TTC3: variants seen among roughly 807,000 people sequenced by gnomAD.
TTC3 encodes the protein tetratricopeptide repeat domain 3, also known as E3 ubiquitin-protein ligase TTC3.
In TTC3, 180 loss-of-function variants were observed where a neutral mutation model predicts 249.6. That is an observed-to-expected ratio of 0.72 (90% CI 0.64 to 0.82). The LOEUF (loss-of-function observed/expected upper bound fraction) is 0.82, where lower values mean the gene tolerates loss of function less well. Among genes scored for constraint, TTC3 ranks in the 40% least tolerant of loss-of-function variants. TTC3 has a pLI of 0.00. For missense variants in TTC3, 2,061 were observed against 2,398.4 expected (o/e 0.86, Z 2.94); for synonymous variants, 717 against 805.0 (o/e 0.89, Z 1.85).
intron 4 of TTC3, 87 bp from the exon 5 acceptor site, chr21:37,088,712 T>C: frequency 1.7e-6 from 2 of 1,195,994 alleles, no homozygotes; most frequent in Non-Finnish European, 2.3e-6. Context: ...TATTTTTTAA[T>C]GGTTTGAGAT....
intron 20 of TTC3, among the ~76,000 whole-genome samples, chr21:37,141,987 C>T (rs562143758): frequency 6.6e-6 from 1 of 152,202 alleles, no homozygotes; most frequent in East Asian, 1.9e-4. Context: ...ATAAACAGAA[C>T]CAAAGACAAA....
At chr21:37,145,734 T>TTATTGCGGCACTATTCACAATAGCAAAG (rs2078928544) in intron 21 of TTC3, among the ~76,000 whole-genome samples, 1 of 152,200 alleles carries the variant, frequency 6.6e-6, no homozygotes, top group African/African-American at 2.4e-5. Context: ...CAATAGCTCC[T>TTATTGCGGCACTATTCACAATAGCAAAG]ACTCATGTCA....
chr21:37,191,315 T>C lies in TTC3; in HGVS notation c.5025-19T>C. 1 of 1,551,686 alleles carries C rather than the reference T, an allele frequency of 6.4e-7. No homozygotes were observed. The highest frequency in any genetic ancestry group is 8.7e-7 in the Non-Finnish European group (1 of 1,150,948). Reference sequence around the variant, plus strand: ...AATTTTTAAAATTTCTAAAGCAGTTTTATATTATACTTTTTCAGTGATCCT... The same window carrying C: ...AATTTTTAAAATTTCTAAAGCAGTTCTATATTATACTTTTTCAGTGATCCT... On this transcript the variant is annotated intron_variant, in intron 39 of 45. Transcript: ENST00000355666.
intron 5 of TTC3, among the ~76,000 whole-genome samples, chr21:37,089,746 T>G (rs1352200091): frequency 6.6e-6 from 1 of 152,108 alleles, no homozygotes; most frequent in East Asian, 1.9e-4. Context: ...ACTCCTGACC[T>G]CAGATGATCC....
intron 1 of TTC3, among the ~76,000 whole-genome samples, chr21:37,079,624 T>C (rs2071365713): frequency 6.8e-6 from 1 of 147,392 alleles, no homozygotes; most frequent in Non-Finnish European, 1.5e-5. Context: ...CTCTGCCTCC[T>C]GAGTTCAAGC....
chr21:37,125,951 C>A, intron 14 of TTC3, 129 bp from the exon 15 acceptor site: 1 of 725,310 alleles, frequency 1.4e-6, no homozygotes, highest in Non-Finnish European at 2.2e-6. Flanking sequence ...GGCTTAATAA[C>A]CAGCTGCATA....
At chr21:37,169,252 A>G (rs527423814) in intron 34 of TTC3, among the ~76,000 whole-genome samples, 1 of 152,336 alleles carries the variant, frequency 6.6e-6, no homozygotes, top group Admixed American at 6.5e-5. Flanking sequence ...AAGAATGGGT[A>G]TGGAAGAGAA....
In TTC3 at chr21:37,159,774, C is replaced by T. The variant is rs200321352; in HGVS notation, c.3039+29C>T. On this transcript the variant is annotated intron_variant, in intron 29 of 45. Transcript: ENST00000355666. The stretch of plus-strand genomic sequence containing the variant: ...AGTTACTTGGATCACTTGAATCTTA[C>T]GTTCTAATCTGATGTTAAACCAAGG... 1.2e-5 allele frequency: 17 copies of T among 1,455,192 alleles called. No individual in the cohort carries two copies. In the African/African-American group the frequency reaches 1.5e-4, roughly 13 times the overall value. 90.1% of individuals were successfully genotyped at this position (1,455,192 alleles called of 1,614,324 possible).
At chr21:37,116,441 TTAACAG>T (rs1178022183) in intron 11 of TTC3, among the ~76,000 whole-genome samples, 2 of 152,338 alleles carry the variant, frequency 1.3e-5, no homozygotes, top group Admixed American at 1.3e-4. Flanking sequence ...TAACAAAATG[TTAACAG>T]TTAATTCTGG....
intron 34 of TTC3, among the ~76,000 whole-genome samples, chr21:37,171,202 G>A (rs1472685734): frequency 2.6e-5 from 4 of 152,162 alleles, no homozygotes; most frequent in Non-Finnish European, 5.9e-5. Flanking sequence ...AACCAGGTAG[G>A]CTCTGTTGTT....
At chr21:37,195,841 C>T (rs756402396) in exon 42 of TTC3, 2 of 1,614,226 alleles carry the variant, frequency 1.2e-6, no homozygotes, top group East Asian at 2.2e-5. Context: ...CCAGGGCCAC[C>T]CCCTGGTCAG....
Position 37,160,917 on chromosome 21 carries a change from A to G in TTC3, c.3096+59A>G, listed in dbSNP as rs2080675889. ...AACTCTCCAAAATAGTTAGTTGGAC[A>G]TATACATTAGAATTGAGCAATTCTT... On this transcript the variant is annotated intron_variant, in intron 30 of 45. Transcript: ENST00000355666. 16 of 1,521,944 alleles carry G rather than the reference A, an allele frequency of 1.1e-5. No individual in the cohort carries two copies. In the South Asian group the frequency reaches 1.9e-4, roughly 18 times the overall value. The allele number at this position is 1,521,944 out of a possible 1,614,324, so 94.3% of individuals were successfully genotyped here. A position where few individuals can be genotyped will look rare whatever the true frequency, so the allele number is the denominator to read the frequency against.
At chr21:37,135,122 T>G (rs553012749) in intron 17 of TTC3, among the ~76,000 whole-genome samples, 5 of 152,220 alleles carry the variant, frequency 3.3e-5, no homozygotes, top group Non-Finnish European at 7.3e-5. Context: ...TGAGGCTTAG[T>G]ACCATGTAGT....
chr21:37,197,154 A>C (rs181016332), intron 42 of TTC3, among the ~76,000 whole-genome samples: 16 of 152,332 alleles, frequency 1.1e-4, no homozygotes, highest in Non-Finnish European at 1.8e-4. Context: ...AAATTTGTAA[A>C]CAATGGGGCA....
intron 34 of TTC3, among the ~76,000 whole-genome samples, chr21:37,172,053 C>A (rs531918780): frequency 3.3e-5 from 5 of 152,274 alleles, no homozygotes; most frequent in Admixed American, 1.3e-4. Context: ...TGTTTGCCAA[C>A]AGAATGGTTT....
rs903248334 is a variant in TTC3, at chr21:37,108,440, G to A, written c.894G>A (p.Trp298Ter). The change falls in exon 11 of 46, where the codon TGG (tryptophan) becomes TGA (stop). Residue 298 changes from tryptophan to a stop codon, truncating the protein, a stop_gained. Transcript: ENST00000355666. LOFTEE classifies it high-confidence loss of function. ...GAGCCACTATTCTGAAGAACACTTG[G>A]CCAAAGGTAGGTTTCTTCTGTATTT... 17 of 1,612,016 alleles carry A rather than the reference G, an allele frequency of 1.1e-5. No individual in the cohort carries two copies. Among genetic ancestry groups the A allele is most frequent in the East Asian group, 2.2e-5 (1 of 44,866 alleles).
At position 37,172,584 on chromosome 21, in the gene TTC3, T is replaced by C; in HGVS notation, c.4468-11T>C. 1 of 1,605,070 alleles carries C rather than the reference T, an allele frequency of 6.2e-7. No individual in the cohort carries two copies. The highest frequency in any genetic ancestry group is 1.7e-4 in the Middle Eastern group (1 of 5,998). On this transcript the variant is annotated splice_polypyrimidine_tract_variant and intron_variant, in intron 34 of 45. Coordinates refer to ENST00000355666, the Ensembl canonical transcript of TTC3. ...TGATTTTTAATAGATTGTTTTGTAA[T>C]TCACTTTTAGGGGGAAATTTCACGG...
At chr21:37,175,263 C>CAAAAAAA (rs58424565) in intron 35 of TTC3, among the ~76,000 whole-genome samples, 1 of 54,036 alleles carries the variant, frequency 1.9e-5, no homozygotes, top group Non-Finnish European at 3.6e-5. Flanking sequence ...GACTGTGTCT[C>CAAAAAAA]AAAAAAAAAA....
At position 37,142,691 on chromosome 21, in the gene TTC3, A is replaced by G. The variant is rs150929080; in HGVS notation, c.1773-1834A>G. Among the ~76,000 whole-genome samples the G allele has an allele frequency of 1.7e-3, 258 of 152,352 alleles. 2 individuals are homozygous for G. The highest frequency in any genetic ancestry group is 5.6e-3 in the African/African-American group (234 of 41,582). Reference sequence around the variant, plus strand: ...ATTGCCAAGGTAATTTATAGATTCAATGCCATCCCCATCAAGCTACCAATG... The same window carrying G: ...ATTGCCAAGGTAATTTATAGATTCAGTGCCATCCCCATCAAGCTACCAATG... On this transcript the variant is annotated intron_variant, in intron 20 of 45. Coordinates refer to ENST00000355666, the Ensembl canonical transcript of TTC3.
Sources: allele counts gnomAD v4.1 joint callset (sites outside exome capture counted in the v4.1 genomes callset), GRCh38; gene constraint gnomAD v4.1.1; transcripts MANE v1.5; gene names NCBI Gene and HGNC (gene_info 2026-07-23, HGNC 2026-07-21).